ACSL5: variants seen among roughly 807,000 people sequenced by gnomAD.
ACSL5 encodes the protein long-chain-fatty-acid--CoA ligase 5.
In ACSL5, 50 loss-of-function variants were observed where a neutral mutation model predicts 84.9. That is an observed-to-expected ratio of 0.59 (90% CI 0.47 to 0.75). ACSL5 has a LOEUF of 0.75. ACSL5 is among the 30% of genes least tolerant of loss of function. The pLI is 0.00. For synonymous variants in ACSL5, 280 were observed against 300.7 expected, an observed-to-expected ratio of 0.93 and a Z score of 0.71; for missense variants, 775 against 830.4, an observed-to-expected ratio of 0.93 and a Z score of 0.82.
intron 2 of ACSL5, among the ~76,000 whole-genome samples, chr10:112,397,130 A>T (rs1843764466): frequency 6.6e-6 from 1 of 151,384 alleles, no homozygotes; most frequent in Non-Finnish European, 1.5e-5. Context: ...CTGTAGATCC[A>T]GCTGACATTT....
chr10:112,380,080 T>C (rs1239222902), intron 1 of ACSL5, among the ~76,000 whole-genome samples: 3 of 152,130 alleles, frequency 2.0e-5, no homozygotes, highest in African/African-American at 7.2e-5. Context: ...GCAGCAGGCC[T>C]GGGATGCCCT....
At chr10:112,387,677 G>T (rs769802569) in intron 1 of ACSL5, among the ~76,000 whole-genome samples, 1 of 152,224 alleles carries the variant, frequency 6.6e-6, no homozygotes, top group Non-Finnish European at 1.5e-5. Flanking sequence ...CTAGGAGAGA[G>T]TAGGTAATTC....
At chr10:112,399,571 C>T (rs967078581) in intron 3 of ACSL5, among the ~76,000 whole-genome samples, 2 of 152,170 alleles carry the variant, frequency 1.3e-5, no homozygotes, top group Admixed American at 1.3e-4. Context: ...TGGAATACAT[C>T]AAGCCTTAAT....
In ACSL5 at chr10:112,393,944, C is replaced by A. The variant is rs78114632; in HGVS notation, c.-29-974C>A. Among the ~76,000 whole-genome samples the A allele has an allele frequency of 1.6e-3, 239 of 152,292 alleles. 1 individual carries two copies. The highest frequency in any genetic ancestry group is 5.4e-3 in the African/African-American group (224 of 41,566). ...TAAACAAACCATGCAAAAAGCCCAG[C>A]CCTGTGCCTGGCATACAGTGAGTGC... On this transcript the variant is annotated intron_variant, in intron 1 of 20. Coordinates refer to ENST00000354655, the MANE Select transcript of ACSL5 (RefSeq NM_203379.2).
At chr10:112,383,089 G>T (rs1849382510) in intron 1 of ACSL5, among the ~76,000 whole-genome samples, 1 of 152,004 alleles carries the variant, frequency 6.6e-6, no homozygotes, top group South Asian at 2.1e-4. Flanking sequence ...GGCAACTTAG[G>T]GAGACCCCAT....
chr10:112,410,684 T>A, intron 9 of ACSL5, 49 bp downstream of exon 9: 1 of 1,576,074 alleles, frequency 6.3e-7, no homozygotes, highest in Non-Finnish European at 8.6e-7. Context: ...GCCAAGAACA[T>A]GGCTTCAATT....
intron 1 of ACSL5, among the ~76,000 whole-genome samples, chr10:112,393,828 A>G (rs1418956214): frequency 6.6e-6 from 1 of 152,254 alleles, no homozygotes; most frequent in Non-Finnish European, 1.5e-5. Flanking sequence ...GCAATAGGGA[A>G]TGATGGGTGA....
At chr10:112,408,997 C>T (rs972090962) in intron 6 of ACSL5, 20 of 164,138 alleles carry the variant, frequency 1.2e-4, no homozygotes, top group African/African-American at 4.6e-4. Context: ...AGCCCTTTCA[C>T]ATATCCAACA....
At chr10:112,417,442 G>T (rs113629451) in intron 13 of ACSL5, among the ~76,000 whole-genome samples, 462 of 151,630 alleles carry the variant, frequency 3.0e-3, no homozygotes, top group African/African-American at 0.011. Context: ...GGTGGAGGTT[G>T]CAGTGAACTG....
intron 6 of ACSL5, chr10:112,409,292 C>T: frequency 2.0e-6 from 1 of 512,658 alleles, no homozygotes; most frequent in South Asian, 2.9e-5. Flanking sequence ...GTAAAATCTG[C>T]TGGCACAGTT....
chr10:112,415,216 T>C (rs1011770934), intron 12 of ACSL5, among the ~76,000 whole-genome samples: 1 of 152,252 alleles, frequency 6.6e-6, no homozygotes, highest in South Asian at 2.1e-4. Context: ...GTTTTTGTTT[T>C]TGAGACGGAG....
At chr10:112,391,829 ATTG>A (rs1843648894) in intron 1 of ACSL5, among the ~76,000 whole-genome samples, 1 of 152,204 alleles carries the variant, frequency 6.6e-6, no homozygotes, top group African/African-American at 2.4e-5. Flanking sequence ...GACCCATAGT[ATTG>A]TTACTATATG....
chr10:112,388,631 GTAAACAAAATTA>G (rs1849500285), intron 1 of ACSL5, among the ~76,000 whole-genome samples: 1 of 152,154 alleles, frequency 6.6e-6, no homozygotes, highest in Non-Finnish European at 1.5e-5. Context: ...AGACACAGCA[GTAAACAAAATTA>G]AAATCTCTGT....
chr10:112,381,111 A>C (rs897160479), intron 1 of ACSL5, among the ~76,000 whole-genome samples: 1 of 152,150 alleles, frequency 6.6e-6, no homozygotes, highest in African/African-American at 2.4e-5. Context: ...ATTGGCAATA[A>C]AGCCAGGGGG....
At chr10:112,416,861 C>T in intron 12 of ACSL5, 27 bp from the exon 13 acceptor site, 2 of 1,611,084 alleles carry the variant, frequency 1.2e-6, no homozygotes, top group Non-Finnish European at 1.7e-6. Context: ...AATAGGTTTC[C>T]AACTAAAAGG....
At chr10:112,376,090 G>A (rs752329336) in intron 1 of ACSL5, 5 of 538,472 alleles carry the variant, frequency 9.3e-6, no homozygotes, top group Non-Finnish European at 1.6e-5. Flanking sequence ...CTTTTGTGTC[G>A]GCCCTTAGGG....
Position 112,394,910 on chromosome 10 carries a change from T to C in ACSL5, c.-29-8T>C. 1 of 1,610,586 alleles carries C rather than the reference T, an allele frequency of 6.2e-7. No homozygotes were observed. The highest frequency in any genetic ancestry group is 8.5e-7 in the Non-Finnish European group (1 of 1,179,286). On this transcript the variant is annotated splice_region_variant and splice_polypyrimidine_tract_variant and intron_variant, in intron 1 of 20. Transcript: ENST00000354655. The stretch of plus-strand genomic sequence containing the variant: ...TCTAAATTTTCTTTCCCCTGTTTTT[T>C]TTTTAAGGTCTGAATTTCCTGCTGC...
At chr10:112,423,636 GT>G (rs2071154303) in intron 17 of ACSL5, among the ~76,000 whole-genome samples, 1 of 152,086 alleles carries the variant, frequency 6.6e-6, no homozygotes, top group Non-Finnish European at 1.5e-5. Context: ...TCCTAGCACT[GT>G]TTTTAGACCC....
chr10:112,422,267 C>T (rs1844482520), intron 16 of ACSL5, 58 bp from the exon 17 acceptor site: 4 of 1,450,702 alleles, frequency 2.8e-6, no homozygotes, highest in Admixed American at 1.7e-5. Context: ...TCATAAACTG[C>T]CCACGCTGGG....
Sources: gnomAD v4.1 joint callset for allele counts (sites outside exome capture counted in the v4.1 genomes callset) on GRCh38, gnomAD v4.1.1 for gene constraint, MANE v1.5 for transcripts, NCBI Gene and HGNC (gene_info 2026-07-23, HGNC 2026-07-21) for gene names.